The following SPOCD1 variants were observed in gnomAD, a reference collection of about 807,000 sequenced individuals.
SPOCD1 encodes SPOC domain containing 1.
A neutral mutation model predicts 92.2 loss-of-function variants in SPOCD1; 64 were observed. The observed-to-expected ratio is 0.69, with a 90% CI of 0.57 to 0.86. SPOCD1 has a LOEUF of 0.86. Among genes scored for constraint, SPOCD1 ranks in the 40% least tolerant of loss-of-function variants. SPOCD1 has a pLI of 0.00. For synonymous variants in SPOCD1, 578 were observed against 619.3 expected, an observed-to-expected ratio of 0.93 and a Z score of 0.99; for missense variants, 1,360 against 1,543.1, an observed-to-expected ratio of 0.88 and a Z score of 1.99.
At position 31,795,539 on chromosome 1, in the gene SPOCD1, T is replaced by C. The variant is rs1041747771; in HGVS notation, c.2271+1051A>G. 2.1e-5 allele frequency: 3 copies of C among 145,776 alleles called. No individual in the cohort carries two copies. The South Asian group carries it at 7.4e-4, about 36-fold the overall frequency. 9.0% of individuals were successfully genotyped at this position (145,776 alleles called of 1,614,324 possible). The stretch of plus-strand genomic sequence containing the variant: ...CCTCCCCTCCCACCTCCTCTCTCTC[T>C]TCCTCTCTGGGGCTATCTAGGTCTT... On this transcript the variant is annotated intron_variant, in intron 10 of 15. Coordinates refer to ENST00000360482, the MANE Select transcript of SPOCD1 (RefSeq NM_144569.7).
Position 31,799,378 on chromosome 1 carries a change from G to T in SPOCD1, c.1868+23C>A, listed in dbSNP as rs750730760. ...GTGAGGGCGGCCCTTGGGATGTCAG[G>T]GGAGTGGGGAGCAAGGCCTCACCGA... On this transcript the variant is annotated intron_variant, in intron 7 of 15. Coordinates refer to ENST00000360482, the MANE Select transcript of SPOCD1 (RefSeq NM_144569.7). The T allele has an allele frequency of 4.4e-6, 7 of 1,593,616 alleles. No individual in the cohort carries two copies. The African/African-American group carries it at 8.0e-5, about 18-fold the overall frequency.
At chr1:31,801,640 C>T (rs1648471831) in intron 3 of SPOCD1, 24 bp downstream of exon 3, 1 of 1,611,006 alleles carries the variant, frequency 6.2e-7, no homozygotes, top group Non-Finnish European at 8.5e-7. Context: ...GAAAGAAAAG[C>T]AATAATAAAA....
intron 2 of SPOCD1, among the ~76,000 whole-genome samples, chr1:31,806,967 A>G (rs1415439979): frequency 6.6e-6 from 1 of 152,224 alleles, no homozygotes; most frequent in African/African-American, 2.4e-5. Flanking sequence ...TCAAGTGTTC[A>G]ATAGACACAA....
intron 14 of SPOCD1, 90 bp from the exon 15 acceptor site, chr1:31,792,491 G>A (rs540245987): frequency 7.2e-5 from 101 of 1,399,516 alleles, no homozygotes; most frequent in Middle Eastern, 1.9e-4. Flanking sequence ...TGAGAACCCC[G>A]TGAGAAAGTA....
intron 10 of SPOCD1, chr1:31,795,656 T>C (rs1178820161): frequency 6.6e-6 from 1 of 152,104 alleles, no homozygotes; most frequent in Non-Finnish European, 1.5e-5. Context: ...TTGGCACAGG[T>C]AGAGGTTCTC....
chr1:31,798,270 C>G lies in SPOCD1; in HGVS notation c.2082G>C (p.Arg694=), dbSNP rs969147587. Residue 694 remains arginine, a synonymous_variant, in exon 9 of 16, where the codon CGG becomes CGC. Coordinates refer to ENST00000360482, the MANE Select transcript of SPOCD1 (RefSeq NM_144569.7). This position sits in a 1 kb window ranked among gnomAD's most constrained non-coding sequence, Gnocchi z 4.1. The part of the protein sequence containing the change: ...HGDVTPYDLV[R]MSSMQLAPQE... Reference sequence around the variant, plus strand: ...GGGGGGCCAGCTGCATCGAGCTCATCCGCACCAGGTCGTAGGGGGTGACAT... The same window carrying G: ...GGGGGGCCAGCTGCATCGAGCTCATGCGCACCAGGTCGTAGGGGGTGACAT... The G allele has an allele frequency of 6.2e-7, 1 of 1,613,984 alleles. No individual in the cohort carries two copies. The highest frequency in any genetic ancestry group is 1.3e-5 in the African/African-American group (1 of 74,944).
Position 31,798,113 on chromosome 1 carries a change from TC to T in SPOCD1, c.2145+93del. The T allele has an allele frequency of 1.1e-6, 1 of 928,508 alleles. No individual in the cohort carries two copies. Among genetic ancestry groups the T allele is most frequent in the Non-Finnish European group, 1.8e-6 (1 of 564,974 alleles). The allele number at this position is 928,508 out of a possible 1,614,324, so 57.5% of individuals were successfully genotyped here. On this transcript the variant is annotated intron_variant, in intron 9 of 15. Transcript: ENST00000360482. This position sits in a 1 kb window ranked among gnomAD's most constrained non-coding sequence, Gnocchi z 4.1. ...TCTGTCTTTCTGAATTCCTCCTCCC[TC>T]CCTCCCTGTCTCTGTCTCTCCCTCT...
Position 31,814,855 on chromosome 1 carries a change from C to A in SPOCD1, c.479G>T (p.Ser160Ile). 6.2e-7 allele frequency: 1 copy of A among 1,613,284 alleles called. No individual in the cohort carries two copies. The change falls in exon 2 of 16, where the codon AGC becomes ATC. Residue 160 changes from serine (S) to isoleucine (I), a missense_variant. Ser to Ile is a moderately radical substitution (Grantham distance 142). Around this residue, in one of 3 missense-constraint regions of SPOCD1, gnomAD observed 606 missense variants for 601.5 expected, o/e 1.01. Coordinates refer to ENST00000360482, the MANE Select transcript of SPOCD1 (RefSeq NM_144569.7). The surrounding 1 kb of genome is among the most constrained non-coding windows in gnomAD (Gnocchi z 4.2). ...RERLAGVEEV[S>I]CLRPREARDG... Reference sequence around the variant, plus strand: ...TCTGGCCTCCCTGGGCCTGAGGCAGCTCACCTCCTCCACTCCTGCAAGCCT... The same window carrying A: ...TCTGGCCTCCCTGGGCCTGAGGCAGATCACCTCCTCCACTCCTGCAAGCCT...
chr1:31,799,605 C>T, intron 6 of SPOCD1, 120 bp from the exon 7 acceptor site: 1 of 1,093,870 alleles, frequency 9.1e-7, no homozygotes, highest in South Asian at 1.4e-5. Flanking sequence ...GACCTAGACC[C>T]CTCCCTCTAT....
intron 3 of SPOCD1, 21 bp from the exon 4 acceptor site, chr1:31,800,638 C>G: frequency 1.3e-6 from 2 of 1,575,932 alleles, no homozygotes; most frequent in Non-Finnish European, 1.7e-6. Context: ...GATCGCACTT[C>G]AGAAGCAAGC....
Position 31,791,174 on chromosome 1 carries a change from C to T in SPOCD1, c.3080G>A (p.Ser1027Asn). The stretch of plus-strand genomic sequence containing the variant: ...CTTTTGAACCTTCCCCAACCAGGGG[C>T]TGGACCCTGCTGTGTCTGGAAGCCC... ...KEGLPDTAGS[S>N]PWLGKVQKMV... The change falls in exon 16 of 16, where the codon AGC becomes AAC. Residue 1027 changes from serine (S) to asparagine (N), a missense_variant. Coordinates refer to ENST00000360482, the MANE Select transcript of SPOCD1 (RefSeq NM_144569.7). The T allele has an allele frequency of 6.2e-7, 1 of 1,612,414 alleles. No individual in the cohort carries two copies. Among genetic ancestry groups the T allele is most frequent in the Middle Eastern group, 1.7e-4 (1 of 6,052 alleles).
At position 31,810,647 on chromosome 1, in the gene SPOCD1, C is replaced by T. The variant is rs537260898; in HGVS notation, c.1383+3304G>A. Among the ~76,000 whole-genome samples the T allele has an allele frequency of 9.9e-5, 15 of 152,222 alleles. No homozygotes were observed. In the East Asian group the frequency reaches 2.7e-3, roughly 27 times the overall value. ...ACAGGTGTGAGCCACCACGCCTGGC[C>T]GACATTGACCTTTAATGGTTAATGT... On this transcript the variant is annotated intron_variant, in intron 2 of 15. Coordinates refer to ENST00000360482, the MANE Select transcript of SPOCD1 (RefSeq NM_144569.7).
chr1:31,808,533 G>A (rs1364353412), intron 2 of SPOCD1, among the ~76,000 whole-genome samples: 1 of 151,124 alleles, frequency 6.6e-6, no homozygotes, highest in Non-Finnish European at 1.5e-5. Context: ...AGGAAGAGAA[G>A]GGAGTTTCCT....
Position 31,794,213 on chromosome 1 carries a change from C to T in SPOCD1, c.2294G>A (p.Cys765Tyr), listed in dbSNP as rs751842793. Residue 765 changes from cysteine to tyrosine, a missense_variant, in exon 11 of 16, where the codon TGC becomes TAC. This residue lies in a region of SPOCD1 where 614 missense variants were observed against 757.8 expected (regional missense o/e 0.81). Coordinates refer to ENST00000360482, the MANE Select transcript of SPOCD1 (RefSeq NM_144569.7). ...DLVGPQMFMD[C>Y]SPQALPIASE... Reference sequence around the variant, plus strand: ...TGCGATGGGCAGGGCCTGTGGGCTGCAGTCCATGAACATCTGCGGTCCCTG... The same window carrying T: ...TGCGATGGGCAGGGCCTGTGGGCTGTAGTCCATGAACATCTGCGGTCCCTG... 1 of 1,613,838 alleles carries T rather than the reference C, an allele frequency of 6.2e-7. No individual in the cohort carries two copies. Among genetic ancestry groups the T allele is most frequent in the South Asian group, 1.1e-5 (1 of 91,056 alleles).
chr1:31,814,579 A>C lies in SPOCD1; in HGVS notation c.755T>G (p.Leu252Trp). The C allele has an allele frequency of 6.5e-7, 1 of 1,529,150 alleles. No individual in the cohort carries two copies. The highest frequency in any genetic ancestry group is 8.8e-7 in the Non-Finnish European group (1 of 1,138,372). The allele number at this position is 1,529,150 out of a possible 1,614,324, so 94.7% of individuals were successfully genotyped here. A position where few individuals can be genotyped will look rare whatever the true frequency, so the allele number is the denominator to read the frequency against. The change falls in exon 2 of 16, where the codon TTG becomes TGG. Residue 252 changes from leucine to tryptophan, a missense_variant. Coordinates refer to ENST00000360482, the MANE Select transcript of SPOCD1 (RefSeq NM_144569.7). This position sits in a 1 kb window ranked among gnomAD's most constrained non-coding sequence, Gnocchi z 4.2. Reference sequence around the variant, plus strand: ...AGAGGGAGGTCTGCAAGGGCCTCCCAAGGACTCCAGGTCAGCAACTTGGGG... The same window carrying C: ...AGAGGGAGGTCTGCAAGGGCCTCCCCAGGACTCCAGGTCAGCAACTTGGGG... ...DPPQVADLES[L>W]GGPCRPPSPK...
chr1:31,811,228 T>C (rs866522169), intron 2 of SPOCD1, among the ~76,000 whole-genome samples: 5 of 152,130 alleles, frequency 3.3e-5, no homozygotes, highest in Middle Eastern at 3.2e-3. Flanking sequence ...TCCCAGCACT[T>C]TGGAAGGCCG....
chr1:31,790,436 A>C lies in SPOCD1; in HGVS notation c.*167T>G, dbSNP rs1451042474. ...AGCAGATGCAATCCCAATTTTACCA[A>C]ATTCTTTATTGAACAAAAAATCAAC... On this transcript the variant is annotated 3_prime_UTR_variant, in exon 16 of 16. Transcript: ENST00000360482. The C allele has an allele frequency of 1.4e-6, 1 of 696,700 alleles. No homozygotes were observed. Among genetic ancestry groups the C allele is most frequent in the Non-Finnish European group, 2.4e-6 (1 of 418,102 alleles). 43.2% of individuals were successfully genotyped at this position (696,700 alleles called of 1,614,324 possible). A position where few individuals can be genotyped will look rare whatever the true frequency, so the allele number is the denominator to read the frequency against.
intron 11 of SPOCD1, 23 bp downstream of exon 11, chr1:31,794,101 A>C (rs1647818432): frequency 1.2e-6 from 2 of 1,607,360 alleles, no homozygotes; most frequent in African/African-American, 1.3e-5. Flanking sequence ...CCACCCCTGC[A>C]CCCCTCCCGT....
At chr1:31,806,199 G>A (rs1648806211) in intron 2 of SPOCD1, among the ~76,000 whole-genome samples, 1 of 148,570 alleles carries the variant, frequency 6.7e-6, no homozygotes, top group Non-Finnish European at 1.5e-5. Context: ...GATAAATAAA[G>A]CTGACAAAAT....
Sources: gnomAD v4.1 joint callset for allele counts (sites outside exome capture counted in the v4.1 genomes callset) on GRCh38, gnomAD v4.1.1 for gene constraint, gnomAD v4.1.1 regional missense constraint, Gnocchi (gnomAD v3.1) non-coding constraint, MANE v1.5 for transcripts, NCBI Gene and HGNC (gene_info 2026-07-23, HGNC 2026-07-21) for gene names.